SHISA6: variants seen among roughly 807,000 people sequenced by gnomAD.
SHISA6 encodes the protein shisa family member 6.
SHISA6 carries 22 observed loss-of-function variants against 47.9 expected under a neutral mutation model. The ratio of observed to expected loss-of-function variants is 0.46; its 90% CI spans 0.33 to 0.66. SHISA6 has a LOEUF of 0.66. SHISA6 is among the 30% of genes least tolerant of loss of function. The pLI is 0.02. For synonymous variants in SHISA6, 388 were observed against 337.8 expected, an observed-to-expected ratio of 1.15 and a Z score of -1.63; for missense variants, 680 against 764.6, an observed-to-expected ratio of 0.89 and a Z score of 1.30.
At chr17:11,272,564 T>C (rs1448358680) in intron 2 of SHISA6, among the ~76,000 whole-genome samples, 3 of 152,164 alleles carry the variant, frequency 2.0e-5, no homozygotes, top group Non-Finnish European at 4.4e-5. Context: ...GTAAACTGGG[T>C]ATAAACTCTC....
intron 3 of SHISA6, among the ~76,000 whole-genome samples, chr17:11,452,343 T>C (rs900686867): frequency 3.3e-5 from 5 of 152,200 alleles, no homozygotes; most frequent in African/African-American, 9.6e-5. Context: ...CCCCATGTGC[T>C]CACATCCCAT....
intron 3 of SHISA6, among the ~76,000 whole-genome samples, chr17:11,421,549 T>C (rs1234528912): frequency 6.6e-6 from 1 of 152,138 alleles, no homozygotes; most frequent in African/African-American, 2.4e-5. Context: ...ATTTTACCCA[T>C]ATCCAGCACG....
intron 2 of SHISA6, among the ~76,000 whole-genome samples, chr17:11,278,937 C>T (rs1909026827): frequency 6.6e-6 from 1 of 152,142 alleles, no homozygotes; most frequent in African/African-American, 2.4e-5. Context: ...GAGACACTGC[C>T]AGCCAAGCCT....
intron 2 of SHISA6, among the ~76,000 whole-genome samples, chr17:11,308,209 T>C (rs1181653618): frequency 6.6e-6 from 1 of 152,168 alleles, no homozygotes; most frequent in African/African-American, 2.4e-5. Context: ...CTGAATTTCC[T>C]TAGTGTTTTG....
intron 2 of SHISA6, among the ~76,000 whole-genome samples, chr17:11,282,004 G>A (rs891403745): frequency 2.0e-5 from 3 of 152,126 alleles, no homozygotes; most frequent in Non-Finnish European, 2.9e-5. Context: ...TCTTTTAAGA[G>A]CAATTTCAAT....
At chr17:11,263,303 C>T in intron 1 of SHISA6, 63 bp from the exon 2 acceptor site, 2 of 1,515,962 alleles carry the variant, frequency 1.3e-6, no homozygotes, top group East Asian at 2.5e-5. Context: ...AGTAAGCCAA[C>T]TCCCCTCATG....
At chr17:11,421,165 T>A (rs1395315047) in intron 3 of SHISA6, among the ~76,000 whole-genome samples, 1 of 152,202 alleles carries the variant, frequency 6.6e-6, no homozygotes, top group African/African-American at 2.4e-5. Context: ...CTACCTCTCA[T>A]ATTCTGAGAT....
intron 2 of SHISA6, among the ~76,000 whole-genome samples, chr17:11,291,817 T>C (rs1909554668): frequency 6.6e-6 from 1 of 152,160 alleles, no homozygotes; most frequent in South Asian, 2.1e-4. Context: ...TGTGCACATC[T>C]GTATCCTAAC....
intron 3 of SHISA6, among the ~76,000 whole-genome samples, chr17:11,512,133 T>G (rs2071546363): frequency 6.6e-6 from 1 of 152,244 alleles, no homozygotes; most frequent in African/African-American, 2.4e-5. Flanking sequence ...CCTTTGATTT[T>G]GAAGAAAGTT....
chr17:11,249,933 C>T (rs962262616), intron 1 of SHISA6, among the ~76,000 whole-genome samples: 9 of 152,158 alleles, frequency 5.9e-5, no homozygotes, highest in Non-Finnish European at 2.9e-5. Flanking sequence ...CACAGGAGTG[C>T]CTGGCAATCC....
chr17:11,260,264 A>G (rs1327512505), intron 1 of SHISA6, among the ~76,000 whole-genome samples: 1 of 152,186 alleles, frequency 6.6e-6, no homozygotes, highest in African/African-American at 2.4e-5. Context: ...GCAATAATCC[A>G]GATAATTCAG....
Position 11,317,690 on chromosome 17 carries a change from C to T in SHISA6, c.799+54164C>T, listed in dbSNP as rs558320022. Among the ~76,000 whole-genome samples, 6 of 151,548 alleles carry T rather than the reference C, an allele frequency of 4.0e-5. No individual in the cohort carries two copies. In the East Asian group the frequency reaches 1.2e-3, roughly 29 times the overall value. On this transcript the variant is annotated intron_variant, in intron 2 of 5. Coordinates refer to ENST00000441885, the MANE Select transcript of SHISA6 (RefSeq NM_207386.4). Reference sequence around the variant, plus strand: ...CCTGTTTTTCTTCCTTTCTTCCCTCCCTCCGTTCTTTCCTTCTTTTGCTTT... The same window carrying T: ...CCTGTTTTTCTTCCTTTCTTCCCTCTCTCCGTTCTTTCCTTCTTTTGCTTT...
chr17:11,501,025 G>A (rs909598170), intron 3 of SHISA6, among the ~76,000 whole-genome samples: 1 of 152,134 alleles, frequency 6.6e-6, no homozygotes, highest in African/African-American at 2.4e-5. Context: ...AACTTGCCAT[G>A]AATACATAGC....
At chr17:11,284,781 A>G (rs1161348413) in intron 2 of SHISA6, among the ~76,000 whole-genome samples, 1 of 152,172 alleles carries the variant, frequency 6.6e-6, no homozygotes, top group Admixed American at 6.5e-5. Context: ...ACTGGCATGA[A>G]TCCTACTTAA....
At chr17:11,425,914 C>T (rs919469047) in intron 3 of SHISA6, among the ~76,000 whole-genome samples, 2 of 152,154 alleles carry the variant, frequency 1.3e-5, no homozygotes, top group Admixed American at 6.5e-5. Context: ...TTTATAGAGT[C>T]CTAAGCCCAA....
At chr17:11,499,099 A>T (rs967763028) in intron 3 of SHISA6, among the ~76,000 whole-genome samples, 2 of 152,128 alleles carry the variant, frequency 1.3e-5, no homozygotes, top group Non-Finnish European at 2.9e-5. Context: ...AGGATGCATG[A>T]TGAGCACCCA....
At chr17:11,469,153 C>T (rs1222178754) in intron 3 of SHISA6, among the ~76,000 whole-genome samples, 1 of 151,704 alleles carries the variant, frequency 6.6e-6, no homozygotes, top group Non-Finnish European at 1.5e-5. Context: ...AAGATGTCCA[C>T]TTCCTAATCC....
chr17:11,293,166 G>A (rs1433538404), intron 2 of SHISA6, among the ~76,000 whole-genome samples: 1 of 152,032 alleles, frequency 6.6e-6, no homozygotes, highest in Non-Finnish European at 1.5e-5. Flanking sequence ...GTTGCTGTAT[G>A]GATTGATATT....
intron 3 of SHISA6, among the ~76,000 whole-genome samples, chr17:11,479,012 T>C (rs1916146762): frequency 6.6e-6 from 1 of 152,108 alleles, no homozygotes; most frequent in Non-Finnish European, 1.5e-5. Context: ...ATCGTGAAAA[T>C]GGCCATACTG....
Sources: gnomAD v4.1 joint callset for allele counts (sites outside exome capture counted in the v4.1 genomes callset) on GRCh38, gnomAD v4.1.1 for gene constraint, MANE v1.5 for transcripts, NCBI Gene and HGNC (gene_info 2026-07-23, HGNC 2026-07-21) for gene names.